Variants in CELF4 observed in about 807,000 individuals in gnomAD.
CELF4 encodes CUG-BP- and ETR-3-like factor 4.
A neutral mutation model predicts 59.9 loss-of-function variants in CELF4; 18 were observed. That is an observed-to-expected ratio of 0.30 (90% CI 0.21 to 0.45). CELF4 has a LOEUF of 0.45. Ranked by LOEUF, CELF4 falls within the 20% of genes least tolerant of loss-of-function variation. The probability of loss-of-function intolerance (pLI) is 1.00; values close to 1 mark genes in which losing one functional copy is unlikely to be tolerated. For missense variants in CELF4, 456 were observed against 689.0 expected, an observed-to-expected ratio of 0.66 and a Z score of 3.79; for synonymous variants, 261 against 267.1, an observed-to-expected ratio of 0.98 and a Z score of 0.22.
intron 2 of CELF4, among the ~76,000 whole-genome samples, chr18:37,329,131 T>C (rs1027257232): frequency 2.0e-5 from 3 of 152,172 alleles, no homozygotes; most frequent in Admixed American, 1.3e-4. Context: ...CTATGCAGAG[T>C]CATCAAAATT....
intron 2 of CELF4, among the ~76,000 whole-genome samples, chr18:37,326,450 G>A (rs764567367): frequency 1.3e-5 from 2 of 152,166 alleles, no homozygotes; most frequent in Non-Finnish European, 2.9e-5. Context: ...TGTGGCTTGT[G>A]GCTGCTGGGA....
chr18:37,369,921 G>A (rs1057324382), intron 2 of CELF4, among the ~76,000 whole-genome samples: 7 of 152,234 alleles, frequency 4.6e-5, no homozygotes, highest in African/African-American at 1.7e-4. Context: ...GTCTCCTCCT[G>A]GCTCTGGGGC....
chr18:37,300,175 C>G (rs992512216), intron 3 of CELF4, among the ~76,000 whole-genome samples: 22 of 152,116 alleles, frequency 1.4e-4, no homozygotes, highest in Admixed American at 1.3e-3. Flanking sequence ...ACTGAACACA[C>G]CACACTCCCT....
chr18:37,268,926 G>A (rs2079043189), intron 8 of CELF4, among the ~76,000 whole-genome samples: 1 of 152,074 alleles, frequency 6.6e-6, no homozygotes. Context: ...GCAAGGAATT[G>A]TTTATGAGAT....
intron 2 of CELF4, among the ~76,000 whole-genome samples, chr18:37,339,150 G>A (rs2097897078): frequency 1.3e-5 from 2 of 152,172 alleles, no homozygotes; most frequent in Admixed American, 6.5e-5. Flanking sequence ...CCTATCTCCT[G>A]CCTCTCTCTC....
At chr18:37,407,883 G>A (rs990678488) in intron 2 of CELF4, among the ~76,000 whole-genome samples, 1 of 152,024 alleles carries the variant, frequency 6.6e-6, no homozygotes, top group African/African-American at 2.4e-5. Flanking sequence ...CTCAATTTTT[G>A]GGGGGCATAT....
chr18:37,274,528 C>A (rs1356637081), intron 5 of CELF4, 74 bp from the exon 6 acceptor site: 2 of 1,601,272 alleles, frequency 1.2e-6, no homozygotes, highest in Admixed American at 3.4e-5. Context: ...CTCTGGCCTG[C>A]GCCCACCCCG....
chr18:37,515,772 A>G (rs1020780181), intron 1 of CELF4, among the ~76,000 whole-genome samples: 4 of 152,070 alleles, frequency 2.6e-5, no homozygotes, highest in African/African-American at 9.7e-5. Flanking sequence ...TTCTCCACCA[A>G]GAAGAGCCAG....
intron 3 of CELF4, among the ~76,000 whole-genome samples, chr18:37,297,013 C>A (rs2095685974): frequency 6.6e-6 from 1 of 152,062 alleles, no homozygotes; most frequent in Non-Finnish European, 1.5e-5. Flanking sequence ...AGGCCTACAA[C>A]CAGAAATCAA....
At chr18:37,293,009 G>T (rs904240009) in intron 3 of CELF4, among the ~76,000 whole-genome samples, 1 of 152,212 alleles carries the variant, frequency 6.6e-6, no homozygotes, top group African/African-American at 2.4e-5. Context: ...CTGTCTGATG[G>T]CAGTGGTTCA....
At chr18:37,444,993 G>A (rs1054257980) in intron 2 of CELF4, among the ~76,000 whole-genome samples, 5 of 152,196 alleles carry the variant, frequency 3.3e-5, no homozygotes, top group African/African-American at 1.2e-4. Flanking sequence ...CCAGCTTCAG[G>A]TGCAGACAGA....
At chr18:37,555,926 G>GT (rs982979910) in intron 1 of CELF4, among the ~76,000 whole-genome samples, 9 of 152,138 alleles carry the variant, frequency 5.9e-5, no homozygotes, top group Non-Finnish European at 1.3e-4. Flanking sequence ...GTATGCGAGC[G>GT]TGTTCACGTG....
rs141066522 is a variant in CELF4, at chr18:37,560,299, G to A, written c.286+5057C>T. Among the ~76,000 whole-genome samples, 14 of 152,314 alleles carry A rather than the reference G, an allele frequency of 9.2e-5. No homozygotes were observed. The East Asian group carries it at 2.5e-3, about 27-fold the overall frequency. ...CTCTGTGTTTGTTGATTCCAAGAAA[G>A]TCTGTTTAAAAGACAAATGAAATTA... On this transcript the variant is annotated intron_variant, in intron 1 of 12. Coordinates refer to ENST00000420428, the MANE Select transcript of CELF4 (RefSeq NM_020180.4).
intron 2 of CELF4, among the ~76,000 whole-genome samples, chr18:37,398,075 C>T (rs905787035): frequency 3.9e-5 from 6 of 152,162 alleles, no homozygotes; most frequent in East Asian, 3.9e-4. Flanking sequence ...TGAGCCCATC[C>T]GGAATGTGAA....
chr18:37,539,573 A>G (rs1041477882), intron 1 of CELF4, among the ~76,000 whole-genome samples: 4 of 152,134 alleles, frequency 2.6e-5, no homozygotes, highest in Non-Finnish European at 5.9e-5. Context: ...TGAACATTCC[A>G]GTGACAGTCA....
intron 2 of CELF4, among the ~76,000 whole-genome samples, chr18:37,400,756 T>G (rs973220774): frequency 6.6e-6 from 1 of 152,258 alleles, no homozygotes; most frequent in African/African-American, 2.4e-5. Flanking sequence ...TGGGAATCTC[T>G]AGTTTTTGAG....
intron 2 of CELF4, among the ~76,000 whole-genome samples, chr18:37,332,409 C>T (rs2097575518): frequency 6.6e-6 from 1 of 152,212 alleles, no homozygotes; most frequent in Non-Finnish European, 1.5e-5. Flanking sequence ...CAGCTCTGCT[C>T]AGCAGTGTCC....
intron 2 of CELF4, among the ~76,000 whole-genome samples, chr18:37,419,963 G>T (rs765796088): frequency 1.3e-5 from 2 of 152,210 alleles, no homozygotes; most frequent in Admixed American, 1.3e-4. Flanking sequence ...CGGCCACTCC[G>T]GGGTTCTGGC....
chr18:37,417,224 C>T (rs781472949), intron 2 of CELF4, among the ~76,000 whole-genome samples: 13 of 152,128 alleles, frequency 8.5e-5, no homozygotes, highest in Non-Finnish European at 1.6e-4. Context: ...GATAGGGCTG[C>T]TTGGGAGCTG....
Sources: allele counts gnomAD v4.1 joint callset (sites outside exome capture counted in the v4.1 genomes callset), GRCh38; gene constraint gnomAD v4.1.1; transcripts MANE v1.5; gene names NCBI Gene and HGNC (gene_info 2026-07-23, HGNC 2026-07-21).